Variants in PHC2 observed in about 807,000 individuals in gnomAD.
PHC2 encodes polyhomeotic homolog 2.
Under a neutral mutation model 87.4 loss-of-function variants are expected in PHC2, and 29 were observed. The ratio of observed to expected loss-of-function variants is 0.33; its 90% CI spans 0.25 to 0.45. The LOEUF (loss-of-function observed/expected upper bound fraction) is 0.45, where lower values mean the gene tolerates loss of function less well. Ranked by LOEUF, PHC2 falls within the 20% of genes least tolerant of loss-of-function variation. The pLI, the probability that PHC2 is intolerant of heterozygous loss-of-function variation, is 1.00. For missense variants in PHC2, 857 were observed against 1,136.7 expected, an observed-to-expected ratio of 0.75 and a Z score of 3.54; for synonymous variants, 438 against 461.7, an observed-to-expected ratio of 0.95 and a Z score of 0.66.
At chr1:33,327,842 T>G (rs553461122) in intron 14 of PHC2, among the ~76,000 whole-genome samples, 28 of 152,370 alleles carry the variant, frequency 1.8e-4, no homozygotes, top group Admixed American at 1.2e-3. Context: ...AGTATTCACG[T>G]GACCTCAGCC....
At chr1:33,398,584 C>A (rs541256322) in intron 1 of PHC2, among the ~76,000 whole-genome samples, 12 of 152,256 alleles carry the variant, frequency 7.9e-5, no homozygotes, top group African/African-American at 2.9e-4. Context: ...GCTTCAACAT[C>A]ACAGTATTCT....
intron 1 of PHC2, among the ~76,000 whole-genome samples, chr1:33,387,272 G>T (rs4653118): frequency 1 from 151,999 of 152,290 alleles, 75,854 homozygotes; most frequent in Middle Eastern, 1. Context: ...GTGACTGTAC[G>T]GGGTGCCCTG....
At chr1:33,399,460 C>A (rs551162669) in intron 1 of PHC2, among the ~76,000 whole-genome samples, 2 of 152,162 alleles carry the variant, frequency 1.3e-5, no homozygotes, top group Admixed American at 6.5e-5. Context: ...CTTGGCTCCA[C>A]GTTTTCCTGT....
intron 3 of PHC2, 33 bp from the exon 4 acceptor site, chr1:33,371,127 C>T (rs368074807): frequency 3.9e-6 from 6 of 1,552,974 alleles, no homozygotes; most frequent in Middle Eastern, 1.7e-4. Context: ...TGCTAGAGTC[C>T]CAGACCTCCC....
At chr1:33,411,855 G>C (rs6686641) in intron 1 of PHC2, among the ~76,000 whole-genome samples, 108,930 of 152,106 alleles carry the variant, frequency 0.72, 39,774 homozygotes, top group African/African-American at 0.86. Context: ...CATTCGCACC[G>C]GGCCTGATCA....
In PHC2 at chr1:33,382,806, C is replaced by T. The variant is rs939910009; in HGVS notation, c.-54-7213G>A. Among the ~76,000 whole-genome samples, 2 of 152,208 alleles carry T rather than the reference C, an allele frequency of 1.3e-5. No individual in the cohort carries two copies. Among genetic ancestry groups the T allele is most frequent in the Admixed American group, 6.5e-5 (1 of 15,276 alleles). ...CCGCCAAGTCTACGAAACACTAGGCCTTTGTCCCCAGTGTCAGGGAAATCC... is the reference window on the plus strand; with the variant it reads ...CCGCCAAGTCTACGAAACACTAGGCTTTTGTCCCCAGTGTCAGGGAAATCC... On this transcript the variant is annotated intron_variant, in intron 1 of 14. Coordinates refer to ENST00000683057, the MANE Select transcript of PHC2 (RefSeq NM_001385109.1). The surrounding 1 kb of genome is among the most constrained non-coding windows in gnomAD (Gnocchi z 4.3).
intron 1 of PHC2, among the ~76,000 whole-genome samples, chr1:33,391,269 A>C (rs1490513416): frequency 6.6e-6 from 1 of 152,178 alleles, no homozygotes; most frequent in African/African-American, 2.4e-5. Context: ...TGGAACAGAG[A>C]TTGTGCTCTA....
Position 33,367,390 on chromosome 1 carries a change from C to A in PHC2, c.702G>T (p.Ala234=). Residue 234 remains alanine (A), a synonymous_variant, in exon 7 of 15, where the codon GCG becomes GCT. Coordinates refer to ENST00000683057, the MANE Select transcript of PHC2 (RefSeq NM_001385109.1). ...TGGGGGTGGGGCCCGAGGCTGCTGC[C>A]GCTGGTGTCTGCTGTGTTCGGAGGG... The part of the protein sequence containing the change: ...NLTLRTQQTP[A]AAASGPTPTQ... 6.3e-7 allele frequency: 1 copy of A among 1,599,530 alleles called. No individual in the cohort carries two copies. Among genetic ancestry groups the A allele is most frequent in the Non-Finnish European group, 8.5e-7 (1 of 1,170,574 alleles).
At chr1:33,336,279 G>A (rs988957970) in intron 9 of PHC2, among the ~76,000 whole-genome samples, 24 of 152,066 alleles carry the variant, frequency 1.6e-4, no homozygotes, top group Middle Eastern at 3.4e-3. Context: ...ATGAGCCACC[G>A]CGCCCAGCCT....
At position 33,375,411 on chromosome 1, in the gene PHC2, G is replaced by A; in HGVS notation, c.129C>T (p.Pro43=). Residue 43 remains proline, a synonymous_variant, in exon 2 of 15, where the codon CCC becomes CCT. Coordinates refer to ENST00000683057, the MANE Select transcript of PHC2 (RefSeq NM_001385109.1). ...SSGGSGRPTG[P]QISVYSGIPD... ...GAATACCACTGTACACAGAAATCTGGGGCCCGGTGGGGCGGCCACTTCCAC... is the reference window on the plus strand; with the variant it reads ...GAATACCACTGTACACAGAAATCTGAGGCCCGGTGGGGCGGCCACTTCCAC... 3 of 1,610,670 alleles carry A rather than the reference G, an allele frequency of 1.9e-6. No individual in the cohort carries two copies. Among genetic ancestry groups the A allele is most frequent in the Non-Finnish European group, 8.5e-7 (1 of 1,178,398 alleles).
intron 1 of PHC2, among the ~76,000 whole-genome samples, chr1:33,388,624 CA>C (rs1041008320): frequency 2.6e-5 from 4 of 152,056 alleles, no homozygotes; most frequent in African/African-American, 4.8e-5. Flanking sequence ...AGCCCAGTGA[CA>C]GCAATTATGA....
chr1:33,417,310 G>A (rs1422408742), intron 1 of PHC2, among the ~76,000 whole-genome samples: 1 of 152,110 alleles, frequency 6.6e-6, no homozygotes. Flanking sequence ...TATAGTAAAT[G>A]TAAATTGTTT....
At chr1:33,418,076 A>G (rs1650280667) in intron 1 of PHC2, among the ~76,000 whole-genome samples, 1 of 152,194 alleles carries the variant, frequency 6.6e-6, no homozygotes, top group South Asian at 2.1e-4. Context: ...ATATAGCTAA[A>G]GTAGTACTTA....
intron 14 of PHC2, 40 bp from the exon 15 acceptor site, chr1:33,325,059 C>T: frequency 6.4e-7 from 1 of 1,558,308 alleles, no homozygotes; most frequent in African/African-American, 1.4e-5. Flanking sequence ...ATCCAAGCCG[C>T]CAGTGTTCAC....
Position 33,364,149 on chromosome 1 carries a change from G to A in PHC2, c.976+2967C>T, listed in dbSNP as rs1213489389. Among the ~76,000 whole-genome samples, 1 of 152,014 alleles carries A rather than the reference G, an allele frequency of 6.6e-6. No individual in the cohort carries two copies. The highest frequency in any genetic ancestry group is 2.4e-5 in the African/African-American group (1 of 41,384). On this transcript the variant is annotated intron_variant, in intron 7 of 14. Coordinates refer to ENST00000683057, the MANE Select transcript of PHC2 (RefSeq NM_001385109.1). The surrounding 1 kb of genome is among the most constrained non-coding windows in gnomAD (Gnocchi z 4.1). Reference sequence around the variant, plus strand: ...TTTGCCCCCAAACAGCTGTCAGTGGGAGCAGTCCCAGCTGGGACTGGAGGG... The same window carrying A: ...TTTGCCCCCAAACAGCTGTCAGTGGAAGCAGTCCCAGCTGGGACTGGAGGG...
At chr1:33,352,561 A>G (rs918466869) in intron 9 of PHC2, among the ~76,000 whole-genome samples, 4 of 152,240 alleles carry the variant, frequency 2.6e-5, no homozygotes, top group Non-Finnish European at 5.9e-5. Flanking sequence ...CTGAATTTAC[A>G]AGGTAACACT....
chr1:33,393,947 G>C (rs1023239596), intron 1 of PHC2, among the ~76,000 whole-genome samples: 2 of 152,198 alleles, frequency 1.3e-5, no homozygotes, highest in Non-Finnish European at 2.9e-5. Flanking sequence ...CTCACATCCA[G>C]AGCCATATTA....
rs114603846 is a variant in PHC2 at position 33,334,719 on chromosome 1, G to C, written c.1559-427C>G. Reference sequence around the variant, plus strand: ...GACAAGAAGCTGAGCTAGGTATAGGGCTTTGAGTGTGATAAAGAGAAGCTT... The same window carrying C: ...GACAAGAAGCTGAGCTAGGTATAGGCCTTTGAGTGTGATAAAGAGAAGCTT... On this transcript the variant is annotated intron_variant, in intron 9 of 14. Coordinates refer to ENST00000683057, the MANE Select transcript of PHC2 (RefSeq NM_001385109.1). The surrounding 1 kb of genome is among the most constrained non-coding windows in gnomAD (Gnocchi z 5.5). Among the ~76,000 whole-genome samples the C allele has an allele frequency of 6.6e-6, 1 of 152,338 alleles. No homozygotes were observed. Among genetic ancestry groups the C allele is most frequent in the Admixed American group, 6.5e-5 (1 of 15,306 alleles).
At chr1:33,413,032 T>C (rs761623514) in intron 1 of PHC2, among the ~76,000 whole-genome samples, 1 of 152,160 alleles carries the variant, frequency 6.6e-6, no homozygotes, top group Non-Finnish European at 1.5e-5. Flanking sequence ...AGTGGCACAA[T>C]CTCAGCTCAC....
Sources: gnomAD v4.1 joint callset for allele counts (sites outside exome capture counted in the v4.1 genomes callset) on GRCh38, gnomAD v4.1.1 for gene constraint, Gnocchi (gnomAD v3.1) non-coding constraint, MANE v1.5 for transcripts, NCBI Gene and HGNC (gene_info 2026-07-23, HGNC 2026-07-21) for gene names.